The following NEXMIF variants were observed in gnomAD, a reference collection of about 807,000 sequenced individuals.
NEXMIF encodes the protein neurite extension and migration factor.
A neutral mutation model predicts 62.1 loss-of-function variants in NEXMIF; 8 were observed. The ratio of observed to expected loss-of-function variants is 0.13; its 90% CI spans 0.08 to 0.23. The LOEUF (loss-of-function observed/expected upper bound fraction) is 0.23, where lower values mean the gene tolerates loss of function less well. Ranked by LOEUF, NEXMIF falls within the 10% of genes least tolerant of loss-of-function variation. NEXMIF has a pLI of 1.00. For synonymous variants in NEXMIF, 404 were observed against 416.6 expected (o/e 0.97, Z 0.37); for missense variants, 976 against 1,113.3 (o/e 0.88, Z 1.75).
At chrX:74,836,092 C>T (rs886693446) in intron 1 of NEXMIF, among the ~76,000 whole-genome samples, 1 of 112,405 alleles carries the variant, frequency 8.9e-6, no homozygotes, top group Non-Finnish European at 1.9e-5. Flanking sequence ...AGGAGGAGGG[C>T]GGGCTTCTGC....
intron 1 of NEXMIF, among the ~76,000 whole-genome samples, chrX:74,834,351 T>C (rs1420836545): frequency 1.8e-5 from 2 of 111,073 alleles, no homozygotes; most frequent in Admixed American, 1.9e-4. Context: ...ACCATAATTA[T>C]ATCATTATAA....
rs750628228 is a variant in NEXMIF at position 74,744,283 on chromosome X, T to C, written c.274A>G (p.Asn92Asp). Residue 92 changes from asparagine to aspartate, a missense_variant, in exon 3 of 4, where the codon AAT (asparagine) becomes GAT (aspartate). Asn to Asp is a conservative substitution (Grantham distance 23). Coordinates refer to ENST00000055682, the MANE Select transcript of NEXMIF (RefSeq NM_001008537.3). ...GAGATGGCATTCACAGAAGCACTAT[T>C]AGCAGCATGTTCGGGTGCTTCAATC... is the stretch of plus-strand genomic sequence containing the variant. Reference protein sequence around the residue: ...GLIEAPEHAANSASVNAISLT... With the variant: ...GLIEAPEHAADSASVNAISLT... 2 of 1,211,411 alleles carry C rather than the reference T, an allele frequency of 1.7e-6. No homozygotes were observed. Among genetic ancestry groups the C allele is most frequent in the African/African-American group, 1.7e-5 (1 of 57,738 alleles).
chrX:74,902,765 T>C (rs749793654), intron 1 of NEXMIF, among the ~76,000 whole-genome samples: 9 of 112,128 alleles, frequency 8.0e-5, no homozygotes, highest in Non-Finnish European at 3.8e-5. Context: ...TTCAGACCTG[T>C]TTAGGTGTGG....
intron 1 of NEXMIF, among the ~76,000 whole-genome samples, chrX:74,918,128 A>G (rs983860973): frequency 1.8e-5 from 2 of 111,975 alleles, no homozygotes; most frequent in African/African-American, 6.5e-5. Flanking sequence ...CCATACAACA[A>G]GAATTCTGTA....
intron 1 of NEXMIF, among the ~76,000 whole-genome samples, chrX:74,823,318 C>T (rs1290484863): frequency 9.0e-6 from 1 of 111,078 alleles, no homozygotes; most frequent in African/African-American, 3.3e-5. Context: ...GAACTGTATG[C>T]CTTAAATGCC....
At chrX:74,886,500 C>T (rs1240989418) in intron 1 of NEXMIF, among the ~76,000 whole-genome samples, 1 of 111,367 alleles carries the variant, frequency 9.0e-6, no homozygotes, top group African/African-American at 3.3e-5. Flanking sequence ...TCTTATACAC[C>T]AAAAACAGAC....
At chrX:74,842,347 T>C (rs375210084) in intron 1 of NEXMIF, among the ~76,000 whole-genome samples, 4 of 111,752 alleles carry the variant, frequency 3.6e-5, no homozygotes, top group African/African-American at 1.3e-4. Flanking sequence ...TTTCTAATTG[T>C]GTTTATTTGT....
intron 1 of NEXMIF, among the ~76,000 whole-genome samples, chrX:74,861,632 C>T (rs1394411780): frequency 8.9e-6 from 1 of 111,752 alleles, no homozygotes. Context: ...GTCCATCAGA[C>T]TAAGAGTGGA....
At chrX:74,782,471 C>T (rs753361143) in intron 1 of NEXMIF, among the ~76,000 whole-genome samples, 4 of 111,201 alleles carry the variant, frequency 3.6e-5, no homozygotes, top group Admixed American at 9.6e-5. Flanking sequence ...AGCCAGTAGA[C>T]CAGAAAGCCC....
At chrX:74,851,805 A>T (rs560130577) in intron 1 of NEXMIF, among the ~76,000 whole-genome samples, 2 of 111,911 alleles carry the variant, frequency 1.8e-5, no homozygotes, top group Admixed American at 1.9e-4. Context: ...AACCACTGGT[A>T]GAGCAAACAG....
chrX:74,861,676 T>C (rs946379157), intron 1 of NEXMIF, among the ~76,000 whole-genome samples: 3 of 111,501 alleles, frequency 2.7e-5, no homozygotes, highest in African/African-American at 9.8e-5. Context: ...CCAGAAGAGA[T>C]TGGGAGCTAA....
chrX:74,882,224 G>T (rs139841658), intron 1 of NEXMIF, among the ~76,000 whole-genome samples: 11 of 112,078 alleles, frequency 9.8e-5, no homozygotes, highest in Non-Finnish European at 2.1e-4. Flanking sequence ...CGTGAGCGAC[G>T]CAGAAGATGG....
intron 1 of NEXMIF, among the ~76,000 whole-genome samples, chrX:74,883,116 A>G (rs1003615965): frequency 1.8e-5 from 2 of 112,132 alleles, no homozygotes; most frequent in Non-Finnish European, 3.8e-5. Context: ...TAACAAAAAG[A>G]AAGGACATAC....
At chrX:74,893,369 T>C (rs2080723682) in intron 1 of NEXMIF, among the ~76,000 whole-genome samples, 1 of 112,333 alleles carries the variant, frequency 8.9e-6, no homozygotes, top group Admixed American at 9.4e-5. Context: ...GCAGAGCAAA[T>C]GGAGAGCTGA....
At chrX:74,756,181 T>TC (rs1204624189) in intron 1 of NEXMIF, among the ~76,000 whole-genome samples, 362 of 111,844 alleles carry the variant, frequency 3.2e-3, no homozygotes, top group African/African-American at 0.011. Flanking sequence ...CAGGCTGGTC[T>TC]CCAACTCCTG....
chrX:74,775,794 T>C (rs760114447), intron 1 of NEXMIF, among the ~76,000 whole-genome samples: 1 of 111,104 alleles, frequency 9.0e-6, no homozygotes, highest in South Asian at 4.0e-4. Flanking sequence ...CGAGAAGCCA[T>C]AGAAAGATAA....
Position 74,741,386 on chromosome X carries a change from G to A in NEXMIF, c.3171C>T (p.Asn1057=). ...KESTDLLDIS[N]FTPDKFRHSS... ...AGTGGCGGAATTTGTCAGGGGTGAA[G>A]TTGGATATATCCAGGAGGTCAGTGG... The change falls in exon 3 of 4, where the codon AAC becomes AAT. Residue 1057 remains asparagine, a synonymous_variant. Transcript: ENST00000055682. 1 of 1,211,333 alleles carries A rather than the reference G, an allele frequency of 8.3e-7. No individual in the cohort carries two copies. Among genetic ancestry groups the A allele is most frequent in the Non-Finnish European group, 1.1e-6 (1 of 895,242 alleles).
chrX:74,864,601 C>A (rs866947748), intron 1 of NEXMIF, among the ~76,000 whole-genome samples: 1 of 112,400 alleles, frequency 8.9e-6, no homozygotes, highest in Middle Eastern at 4.7e-3. Context: ...GTAAGACGTG[C>A]CTTTACTCCT....
Position 74,740,726 on chromosome X carries a change from C to T in NEXMIF, c.3831G>A (p.Lys1277=). Residue 1277 remains lysine, a synonymous_variant, in exon 3 of 4, where the codon AAG becomes AAA. Transcript: ENST00000055682. ...PMASMKMPSQ[K]GLSGDWALGK... ...CCAAGGCCCAATCTCCAGAAAGTCCCTTTTGACTTGGCATCTTCATAGAGG... is the reference window on the plus strand; with the variant it reads ...CCAAGGCCCAATCTCCAGAAAGTCCTTTTTGACTTGGCATCTTCATAGAGG... The T allele has an allele frequency of 1.6e-6, 2 of 1,212,231 alleles. No individual in the cohort carries two copies. The highest frequency in any genetic ancestry group is 2.2e-6 in the Non-Finnish European group (2 of 895,629).
Sources: gnomAD v4.1 joint callset for allele counts (sites outside exome capture counted in the v4.1 genomes callset) on GRCh38, gnomAD v4.1.1 for gene constraint, MANE v1.5 for transcripts, NCBI Gene and HGNC (gene_info 2026-07-23, HGNC 2026-07-21) for gene names.